TM2D1: variants seen among roughly 807,000 people sequenced by gnomAD.
TM2D1 encodes TM2 domain containing 1, also known as TM2 domain-containing protein 1.
In TM2D1, 15 loss-of-function variants were observed where a neutral mutation model predicts 28.4. That is an observed-to-expected ratio of 0.53 (90% CI 0.35 to 0.81). The LOEUF (loss-of-function observed/expected upper bound fraction) is 0.81. TM2D1 is among the 40% of genes least tolerant of loss of function. The pLI, the probability that TM2D1 is intolerant of heterozygous loss-of-function variation, is 0.01. For synonymous variants in TM2D1, 93 were observed against 96.2 expected (o/e 0.97, Z 0.20); for missense variants, 236 against 254.9 (o/e 0.93, Z 0.50).
chr1:61,688,728 C>T (rs1325348424), intron 5 of TM2D1, among the ~76,000 whole-genome samples: 6 of 136,760 alleles, frequency 4.4e-5, no homozygotes, highest in South Asian at 4.7e-4. Context: ...GTCCCCCCAC[C>T]GCCCCCCGCC....
intron 2 of TM2D1, among the ~76,000 whole-genome samples, chr1:61,718,920 G>A (rs1317999260): frequency 6.6e-6 from 1 of 152,094 alleles, no homozygotes; most frequent in Non-Finnish European, 1.5e-5. Flanking sequence ...CCTGTACTGG[G>A]AGAAAATGCT....
intron 2 of TM2D1, among the ~76,000 whole-genome samples, chr1:61,710,448 G>GTA (rs1210120656): frequency 0.12 from 6,185 of 49,488 alleles, 412 homozygotes; most frequent in African/African-American, 0.21. Flanking sequence ...AAAAAAAAAT[G>GTA]TATATATATA....
intron 4 of TM2D1, 40 bp from the exon 5 acceptor site, chr1:61,694,810 T>A (rs1338359735): frequency 1.9e-5 from 25 of 1,348,184 alleles, no homozygotes; most frequent in Non-Finnish European, 2.6e-5. Context: ...CTGGAAGGTC[T>A]TCTAAATATT....
At chr1:61,691,474 G>A (rs1183870906) in intron 5 of TM2D1, among the ~76,000 whole-genome samples, 6 of 105,452 alleles carry the variant, frequency 5.7e-5, no homozygotes, top group African/African-American at 1.9e-4. Context: ...CAGCCTGGAC[G>A]ACAAGAGCAA....
At chr1:61,706,215 T>C (rs1405747737) in intron 3 of TM2D1, among the ~76,000 whole-genome samples, 1 of 152,136 alleles carries the variant, frequency 6.6e-6, no homozygotes, top group African/African-American at 2.4e-5. Context: ...TTTCTTTTAT[T>C]TGTTTGAGAC....
intron 5 of TM2D1, among the ~76,000 whole-genome samples, chr1:61,685,132 A>G (rs559112931): frequency 1.3e-5 from 2 of 152,186 alleles, no homozygotes; most frequent in Non-Finnish European, 2.9e-5. Flanking sequence ...ACCTAAAAAT[A>G]TATTATATTA....
rs1557527315 is a variant in TM2D1 at position 61,691,935 on chromosome 1, ATATAT to A, written c.513+2757_513+2761del. Among the ~76,000 whole-genome samples, 289 of 75,730 alleles carry A rather than the reference ATATAT, an allele frequency of 3.8e-3. 10 individuals are homozygous for A. The highest frequency in any genetic ancestry group is 0.01 in the African/African-American group (270 of 26,350). The allele number at this position is 75,730 out of a possible 152,430, so 49.7% of individuals were successfully genotyped here. On this transcript the variant is annotated intron_variant, in intron 5 of 6. Coordinates refer to ENST00000606498, the MANE Select transcript of TM2D1 (RefSeq NM_032027.3). ...CAAAAAAAACTTAAAAAAAAAAAATATATATATATATATATATATATATATGTATA... is the reference window on the plus strand; with the variant it reads ...CAAAAAAAACTTAAAAAAAAAAAATAATATATATATATATATATATGTATA...
At chr1:61,699,963 G>T (rs999475754) in intron 4 of TM2D1, 23 of 520,686 alleles carry the variant, frequency 4.4e-5, no homozygotes, top group Non-Finnish European at 6.8e-5. Flanking sequence ...TTCATCTTTT[G>T]TGGGTAGCAA....
rs372822600 is a variant in TM2D1, at chr1:61,710,445, AAT to A, written c.239-1010_239-1009del. ...TGTCCCAAAAAAAAAAAAAAAAAAA[AAT>A]GTATATATATATATACATATATATA... On this transcript the variant is annotated intron_variant, in intron 2 of 6. Coordinates refer to ENST00000606498, the MANE Select transcript of TM2D1 (RefSeq NM_032027.3). Among the ~76,000 whole-genome samples the A allele has an allele frequency of 1.9e-3, 240 of 125,420 alleles. 14 individuals are homozygous for A. The East Asian group carries it at 0.028, about 15-fold the overall frequency. 82.3% of individuals were successfully genotyped at this position (125,420 alleles called of 152,430 possible). A position where few individuals can be genotyped will look rare whatever the true frequency, so the allele number is the denominator to read the frequency against.
At chr1:61,716,138 T>C (rs1644517229) in intron 2 of TM2D1, among the ~76,000 whole-genome samples, 1 of 150,866 alleles carries the variant, frequency 6.6e-6, no homozygotes, top group Middle Eastern at 3.4e-3. Context: ...CTGGGCAACA[T>C]AGTGAGACTC....
intron 5 of TM2D1, among the ~76,000 whole-genome samples, chr1:61,691,267 G>A (rs1454828158): frequency 2.6e-5 from 4 of 152,046 alleles, no homozygotes; most frequent in Non-Finnish European, 4.4e-5. Context: ...AGGCAAAGGC[G>A]GGCGGATCAC....
intron 4 of TM2D1, among the ~76,000 whole-genome samples, chr1:61,700,450 G>A (rs917591562): frequency 3.3e-5 from 5 of 152,008 alleles, no homozygotes; most frequent in Non-Finnish European, 7.4e-5. Context: ...TAGAAAGGGG[G>A]GCTAAGGGTG....
intron 2 of TM2D1, among the ~76,000 whole-genome samples, chr1:61,716,564 T>A (rs1475759336): frequency 1.4e-5 from 2 of 144,400 alleles, no homozygotes; most frequent in Non-Finnish European, 3.0e-5. Flanking sequence ...TATAATTTTA[T>A]ATATGTATAT....
In TM2D1 at chr1:61,714,144, C is replaced by T. The variant is rs1467661921; in HGVS notation, c.239-4707G>A. Among the ~76,000 whole-genome samples the T allele has an allele frequency of 2.7e-5, 4 of 148,740 alleles. No homozygotes were observed. The East Asian group carries it at 6.0e-4, about 22-fold the overall frequency. ...TCTCCTGACCTCATGATCCACCCGC[C>T]TCGGCCTCCCAAAGTGCTGGGATTA... On this transcript the variant is annotated intron_variant, in intron 2 of 6. Transcript: ENST00000606498.
chr1:61,721,022 C>G (rs143544369), intron 2 of TM2D1, among the ~76,000 whole-genome samples: 22 of 151,940 alleles, frequency 1.4e-4, no homozygotes, highest in African/African-American at 4.3e-4. Flanking sequence ...GAGTTCCAGA[C>G]CAGCCTAGGC....
intron 3 of TM2D1, among the ~76,000 whole-genome samples, chr1:61,703,718 T>TTATA (rs56267637): frequency 2.2e-3 from 213 of 99,060 alleles, no homozygotes; most frequent in African/African-American, 4.4e-3. Flanking sequence ...TAGCCAATCT[T>TTATA]TATATATATA....
chr1:61,694,823 C>T (rs1644352562), intron 4 of TM2D1, 53 bp from the exon 5 acceptor site: 1 of 1,110,230 alleles, frequency 9.0e-7, no homozygotes, highest in Non-Finnish European at 1.3e-6. Flanking sequence ...TAAATATTAA[C>T]AAACTGCTCC....
intron 5 of TM2D1, among the ~76,000 whole-genome samples, chr1:61,688,754 C>T (rs1270052501): frequency 1.4e-5 from 2 of 140,998 alleles, no homozygotes; most frequent in African/African-American, 5.2e-5. Context: ...AAAAAAAAAA[C>T]TCCTCTGTGG....
chr1:61,716,330 A>G (rs1644518815), intron 2 of TM2D1, among the ~76,000 whole-genome samples: 2 of 148,062 alleles, frequency 1.4e-5, no homozygotes, highest in Non-Finnish European at 3.0e-5. Flanking sequence ...CTCTCCGCCA[A>G]CCCCCCAACA....
Sources: allele counts gnomAD v4.1 joint callset (sites outside exome capture counted in the v4.1 genomes callset), GRCh38; gene constraint gnomAD v4.1.1; transcripts MANE v1.5; gene names NCBI Gene and HGNC (gene_info 2026-07-23, HGNC 2026-07-21).